CFAP65: variants seen among roughly 807,000 people sequenced by gnomAD.
CFAP65 encodes the protein cilia- and flagella-associated protein 65.
Under a neutral mutation model 208.0 loss-of-function variants are expected in CFAP65, and 155 were observed. The ratio of observed to expected loss-of-function variants is 0.75; its 90% CI spans 0.65 to 0.85. The LOEUF (loss-of-function observed/expected upper bound fraction) is 0.85. Ranked by LOEUF, CFAP65 falls within the 40% of genes least tolerant of loss-of-function variation. CFAP65 has a pLI of 0.00. For missense variants in CFAP65, 2,294 were observed against 2,451.3 expected (o/e 0.94, Z 1.36); for synonymous variants, 970 against 986.3 (o/e 0.98, Z 0.31).
Position 219,006,162 on chromosome 2 carries a change from G to T in CFAP65, c.4781C>A (p.Thr1594Asn), listed in dbSNP as rs369632728. Residue 1594 changes from threonine (T) to asparagine (N), a missense_variant, in exon 31 of 35, where the codon ACC becomes AAC. By Grantham distance (65) the Thr-to-Asn change is moderately conservative. Transcript: ENST00000341552. ...VSRPASWKLQTPKEEVSWPCP... is the reference protein window; with the variant it reads ...VSRPASWKLQNPKEEVSWPCP... ...GGGCCAGGACACCTCCTCCTTTGGGGTCTGCAGTTTCCAGCTGGCAGGCCG... is the reference window on the plus strand; with the variant it reads ...GGGCCAGGACACCTCCTCCTTTGGGTTCTGCAGTTTCCAGCTGGCAGGCCG... 1 of 1,613,012 alleles carries T rather than the reference G, an allele frequency of 6.2e-7. No individual in the cohort carries two copies. The highest frequency in any genetic ancestry group is 8.5e-7 in the Non-Finnish European group (1 of 1,179,370).
At position 219,014,027 on chromosome 2, in the gene CFAP65, C is replaced by T. The variant is rs762926072; in HGVS notation, c.3620G>A (p.Ser1207Asn). Reference protein sequence around the residue: ...VSLDWAFLLPSDQRIDVELWA... With the variant: ...VSLDWAFLLPNDQRIDVELWA... ...GAGCTCCACGTCAATCCGCTGGTCACTTGGAAGGAGGAAGGCCCTGGGAGA... is the reference window on the plus strand; with the variant it reads ...GAGCTCCACGTCAATCCGCTGGTCATTTGGAAGGAGGAAGGCCCTGGGAGA... Residue 1207 changes from serine (S) to asparagine (N), a missense_variant, in exon 22 of 35, where the codon AGT becomes AAT. This residue lies in a region of CFAP65 where 1,427 missense variants were observed against 1,438.7 expected (regional missense o/e 0.99). Coordinates refer to ENST00000341552, the MANE Select transcript of CFAP65 (RefSeq NM_194302.4). 4.3e-6 allele frequency: 7 copies of T among 1,611,752 alleles called. No individual in the cohort carries two copies. The South Asian group carries it at 6.6e-5, about 15-fold the overall frequency.
Position 219,027,898 on chromosome 2 carries a change from G to A in CFAP65, c.1963C>T (p.Pro655Ser), listed in dbSNP as rs144430061. 345 of 1,539,512 alleles carry A rather than the reference G, an allele frequency of 2.2e-4. 1 individual carries two copies. The African/African-American group carries it at 4.2e-3, about 19-fold the overall frequency. ...CAGGCACCGAAGTCTACCTCGACAG[G>A]CTCTACACTGATGGGCGGGGGGAAG... ...TIFPPPISVE[P>S]VEVDFGACPG... The change falls in exon 13 of 35, where the codon CCT becomes TCT. Residue 655 changes from proline to serine, a missense_variant. Transcript: ENST00000341552.
chr2:219,013,582 G>C lies in CFAP65; in HGVS notation c.3783C>G (p.His1261Gln). 2 of 1,598,222 alleles carry C rather than the reference G, an allele frequency of 1.3e-6. No individual in the cohort carries two copies. Among genetic ancestry groups the C allele is most frequent in the Non-Finnish European group, 1.7e-6 (2 of 1,173,974 alleles). ...QEQMVELKYS[H>Q]LFIGTDHLPV... ...GGAGGTGATCAGTACCGATGAACAG[G>C]TGGCTAGAAAGAAACAGATAAGTCT... Residue 1261 changes from histidine (H) to glutamine (Q), a missense_variant, in exon 23 of 35, where the codon CAC (histidine) becomes CAG (glutamine). Around this residue, in one of 2 missense-constraint regions of CFAP65, gnomAD observed 1,427 missense variants for 1,438.7 expected, o/e 0.99. Transcript: ENST00000341552.
At chr2:219,021,013 A>G in intron 19 of CFAP65, 139 bp downstream of exon 19, 1 of 891,466 alleles carries the variant, frequency 1.1e-6, no homozygotes, top group Non-Finnish European at 1.6e-6. Flanking sequence ...TTTATGCCAG[A>G]CACCAAAGGC....
At chr2:219,035,257 G>A in intron 5 of CFAP65, 2 of 1,414,722 alleles carry the variant, frequency 1.4e-6, no homozygotes, top group Admixed American at 2.7e-5. Flanking sequence ...CTTCATTCTG[G>A]ATGAATACAT....
intron 5 of CFAP65, among the ~76,000 whole-genome samples, chr2:219,033,440 T>G (rs1470546339): frequency 6.6e-6 from 1 of 150,712 alleles, no homozygotes; most frequent in African/African-American, 2.4e-5. Flanking sequence ...AATGCCACTA[T>G]ACTCCAGCCT....
At position 219,040,506 on chromosome 2, in the gene CFAP65, G is replaced by T; in HGVS notation, c.-3+13C>A. ...CTGTGCTAGGCACCAGACAAGGCAG[G>T]CAAGGCTCCTACCTCCAATTGTGAA... is the stretch of plus-strand genomic sequence containing the variant. On this transcript the variant is annotated intron_variant, in intron 2 of 34. Transcript: ENST00000341552. The T allele has an allele frequency of 7.2e-7, 1 of 1,381,342 alleles. No homozygotes were observed. Among genetic ancestry groups the T allele is most frequent in the Non-Finnish European group, 1.0e-6 (1 of 992,132 alleles). The allele number at this position is 1,381,342 out of a possible 1,614,324, so 85.6% of individuals were successfully genotyped here.
chr2:219,027,629 C>T lies in CFAP65; in HGVS notation c.2211+21G>A, dbSNP rs181495644. The T allele has an allele frequency of 4.3e-6, 7 of 1,613,586 alleles. No homozygotes were observed. The East Asian group carries it at 1.3e-4, about 31-fold the overall frequency. The stretch of plus-strand genomic sequence containing the variant: ...TCCTAGCAGAGACCCCGCATTCCTC[C>T]CTCTCATTGCGTGCACACACCTTAT... On this transcript the variant is annotated intron_variant, in intron 13 of 34. Coordinates refer to ENST00000341552, the MANE Select transcript of CFAP65 (RefSeq NM_194302.4).
intron 15 of CFAP65, 105 bp from the exon 16 acceptor site, chr2:219,023,536 C>G: frequency 1.2e-6 from 1 of 833,282 alleles, no homozygotes; most frequent in South Asian, 1.6e-5. Flanking sequence ...CCACTTGAAG[C>G]AGGCAGTCAA....
In CFAP65 at chr2:219,022,270, C is replaced by T. The variant is rs763958263; in HGVS notation, c.2880G>A (p.Met960Ile). ...EETKYLFQVG[M>I]WVWEAGLSPN... Reference sequence around the variant, plus strand: ...GGGACAGGCCGGCTTCCCAGACCCACATCCCCACTTGGAACAGGTACTTGG... The same window carrying T: ...GGGACAGGCCGGCTTCCCAGACCCATATCCCCACTTGGAACAGGTACTTGG... Residue 960 changes from methionine (M) to isoleucine (I), a missense_variant, in exon 17 of 35, where the codon ATG (methionine) becomes ATA (isoleucine). Physicochemically the swap from Met to Ile is conservative, Grantham distance 10. This residue lies in a region of CFAP65 where 1,427 missense variants were observed against 1,438.7 expected (regional missense o/e 0.99). Coordinates refer to ENST00000341552, the MANE Select transcript of CFAP65 (RefSeq NM_194302.4). The T allele has an allele frequency of 1.2e-6, 2 of 1,608,116 alleles. No homozygotes were observed. Among genetic ancestry groups the T allele is most frequent in the Non-Finnish European group, 1.7e-6 (2 of 1,177,508 alleles).
rs1249861312 is a variant in CFAP65, at chr2:219,006,493, G to A, written c.4691C>T (p.Thr1564Ile). ...DMKVKKRTCC[T>I]ACEPARKYKT... The stretch of plus-strand genomic sequence containing the variant: ...GTACTTCCTCGCAGGTTCACAGGCT[G>A]TGCAGCATGTTCTCTTCTGTGGAAA... Residue 1564 changes from threonine to isoleucine, a missense_variant, in exon 30 of 35, where the codon ACA becomes ATA. Around this residue, in one of 2 missense-constraint regions of CFAP65, gnomAD observed 1,427 missense variants for 1,438.7 expected, o/e 0.99. Transcript: ENST00000341552. The A allele has an allele frequency of 6.2e-7, 1 of 1,613,674 alleles. No individual in the cohort carries two copies. The highest frequency in any genetic ancestry group is 1.1e-5 in the South Asian group (1 of 91,068).
At chr2:219,007,945 A>G (rs1259011993) in intron 29 of CFAP65, among the ~76,000 whole-genome samples, 1 of 151,838 alleles carries the variant, frequency 6.6e-6, no homozygotes, top group East Asian at 1.9e-4. Flanking sequence ...CAGCCTCCCA[A>G]GTAGCTGGGA....
chr2:219,009,946 C>A lies in CFAP65; in HGVS notation c.4448G>T (p.Gly1483Val). The change falls in exon 27 of 35, where the codon GGG becomes GTG. Residue 1483 changes from glycine (G) to valine (V), a missense_variant. By Grantham distance (109) the Gly-to-Val change is moderately radical (BLOSUM62 -3). Transcript: ENST00000341552. Reference sequence around the variant, plus strand: ...CAGGGCTCAGGGGACTCTCACCTCCCCAAAATCTAGAGGACTTGGCTGCCA... The same window carrying A: ...CAGGGCTCAGGGGACTCTCACCTCCACAAAATCTAGAGGACTTGGCTGCCA... ...FSWQPSPLDF[G>V]EVSVSPMIGV... The A allele has an allele frequency of 6.2e-7, 1 of 1,608,450 alleles. No homozygotes were observed. Among genetic ancestry groups the A allele is most frequent in the Non-Finnish European group, 8.5e-7 (1 of 1,177,820 alleles).
rs1036564902 is a variant in CFAP65, at chr2:219,021,246, T to A, written c.3165A>T (p.Pro1055=). The A allele has an allele frequency of 1.1e-5, 18 of 1,606,400 alleles. No individual in the cohort carries two copies. The East Asian group carries it at 4.1e-4, about 36-fold the overall frequency. ...GGCAGATGGTGTCCTGGGACCGGGG[T>A]GGCATGCTCCCCTCTGTTCGGTCCA... ...LQLDRTEGSM[P]PRSQDTICLT... Residue 1055 remains proline, a synonymous_variant, in exon 19 of 35, where the codon CCA becomes CCT. Transcript: ENST00000341552.
chr2:219,031,521 C>A lies in CFAP65; in HGVS notation c.783G>T (p.Thr261=), dbSNP rs759620138. Residue 261 remains threonine (T), a synonymous_variant, in exon 7 of 35, where the codon ACG becomes ACT. Transcript: ENST00000341552. The surrounding 1 kb of genome is among the most constrained non-coding windows in gnomAD (Gnocchi z 5.2). ...TATCCAGGCAGAAAAAGGCCTCAGT[C>A]GTATCTCCCACAGCACACATGGGCA... ...LQLPMCAVGD[T]TEAFFCLDNV... is the part of the protein sequence containing the mutation. The A allele has an allele frequency of 2.5e-6, 4 of 1,614,238 alleles. No homozygotes were observed. In the South Asian group the frequency reaches 4.4e-5, roughly 18 times the overall value.
chr2:219,004,059 G>T lies in CFAP65; in HGVS notation c.5448C>A (p.Pro1816=), dbSNP rs1358722245. ...EEKVSWAGIG[P]TPQPESQESM... ...ACTCCTGGGACTCAGGCTGTGGTGTGGGCCCGATGCCCGCCCAGCTCACTT... is the reference window on the plus strand; with the variant it reads ...ACTCCTGGGACTCAGGCTGTGGTGTTGGCCCGATGCCCGCCCAGCTCACTT... The change falls in exon 33 of 35, where the codon CCC becomes CCA. Residue 1816 remains proline, a synonymous_variant. Coordinates refer to ENST00000341552, the MANE Select transcript of CFAP65 (RefSeq NM_194302.4). The surrounding 1 kb of genome is among the most constrained non-coding windows in gnomAD (Gnocchi z 4.7). 5 of 1,613,890 alleles carry T rather than the reference G, an allele frequency of 3.1e-6. No homozygotes were observed. Among genetic ancestry groups the T allele is most frequent in the Non-Finnish European group, 4.2e-6 (5 of 1,180,010 alleles).
chr2:219,035,251 A>T lies in CFAP65; in HGVS notation c.542+229T>A, dbSNP rs946505715. 6 of 1,403,714 alleles carry T rather than the reference A, an allele frequency of 4.3e-6. No individual in the cohort carries two copies. In the African/African-American group the frequency reaches 7.3e-5, roughly 17 times the overall value. The allele number at this position is 1,403,714 out of a possible 1,614,324, so 87.0% of individuals were successfully genotyped here. ...AATAGAAACAGCCCAAACTTCCTTC[A>T]TTCTGGATGAATACATTATGGTACA... is the stretch of plus-strand genomic sequence containing the variant. On this transcript the variant is annotated intron_variant, in intron 5 of 34. Coordinates refer to ENST00000341552, the MANE Select transcript of CFAP65 (RefSeq NM_194302.4).
chr2:219,023,160 G>T, intron 16 of CFAP65, 47 bp downstream of exon 16: 1 of 1,496,846 alleles, frequency 6.7e-7, no homozygotes, highest in Non-Finnish European at 9.2e-7. Context: ...AATAAGAGAT[G>T]ACAGAAGTGA....
chr2:219,032,075 A>G lies in CFAP65; in HGVS notation c.645+395T>C, dbSNP rs969448959. On this transcript the variant is annotated intron_variant, in intron 6 of 34. Transcript: ENST00000341552. This position sits in a 1 kb window ranked among gnomAD's most constrained non-coding sequence, Gnocchi z 5.5. ...GCTGGGACTACAGGCATGTGCCACC[A>G]TGCCTGGTTAACTTTTGTATTTTTT... Among the ~76,000 whole-genome samples, 1 of 151,840 alleles carries G rather than the reference A, an allele frequency of 6.6e-6. No homozygotes were observed. Among genetic ancestry groups the G allele is most frequent in the African/African-American group, 2.4e-5 (1 of 41,358 alleles).
Sources: gnomAD v4.1 joint callset for allele counts (sites outside exome capture counted in the v4.1 genomes callset) on GRCh38, gnomAD v4.1.1 for gene constraint, gnomAD v4.1.1 regional missense constraint, Gnocchi (gnomAD v3.1) non-coding constraint, MANE v1.5 for transcripts, NCBI Gene and HGNC (gene_info 2026-07-23, HGNC 2026-07-21) for gene names.